The following JAK2 variants were observed in gnomAD, a reference collection of about 807,000 sequenced individuals.
JAK2 encodes the protein tyrosine-protein kinase JAK2.
Under a neutral mutation model 139.3 loss-of-function variants are expected in JAK2, and 86 were observed. That is an observed-to-expected ratio of 0.62 (90% CI 0.52 to 0.74). The LOEUF is 0.74. Ranked by LOEUF, JAK2 falls within the 30% of genes least tolerant of loss-of-function variation. JAK2 has a pLI of 0.00. For missense variants in JAK2, 1,421 were observed against 1,360.3 expected (o/e 1.04, Z -0.70); for synonymous variants, 490 against 437.7 (o/e 1.12, Z -1.49).
chr9:5,033,952 G>C (rs576416623), intron 4 of JAK2, among the ~76,000 whole-genome samples: 1 of 152,248 alleles, frequency 6.6e-6, no homozygotes, highest in South Asian at 2.1e-4. Flanking sequence ...TGGTAAACTG[G>C]ATAAAGAGTC....
chr9:4,992,216 C>A (rs1437341371), intron 2 of JAK2, among the ~76,000 whole-genome samples: 1 of 152,184 alleles, frequency 6.6e-6, no homozygotes, highest in Non-Finnish European at 1.5e-5. Context: ...GGGCTGTTAA[C>A]TGGAGCATGT....
At chr9:5,092,314 A>C (rs557097347) in intron 22 of JAK2, among the ~76,000 whole-genome samples, 34 of 152,266 alleles carry the variant, frequency 2.2e-4, no homozygotes, top group African/African-American at 7.0e-4. Flanking sequence ...CTCCGCAAAT[A>C]TCATTCTAGA....
chr9:5,103,847 T>TA (rs767624698), intron 22 of JAK2, among the ~76,000 whole-genome samples: 1 of 152,140 alleles, frequency 6.6e-6, no homozygotes, highest in Non-Finnish European at 1.5e-5. Context: ...AAGACAGATA[T>TA]AAAGATGTTC....
intron 22 of JAK2, chr9:5,110,869 CA>C: frequency 2.0e-6 from 1 of 510,514 alleles, no homozygotes; most frequent in Admixed American, 2.4e-5. Flanking sequence ...CCGCCGCGCC[CA>C]GCAGGGTTTC....
At chr9:5,023,426 T>C (rs1822567729) in intron 3 of JAK2, among the ~76,000 whole-genome samples, 1 of 152,148 alleles carries the variant, frequency 6.6e-6, no homozygotes, top group Non-Finnish European at 1.5e-5. Flanking sequence ...TGTAGCTGCT[T>C]AGGACTCGGG....
chr9:5,019,788 T>C (rs1412493411), intron 2 of JAK2, among the ~76,000 whole-genome samples: 1 of 151,980 alleles, frequency 6.6e-6, no homozygotes, highest in East Asian at 1.9e-4. Context: ...CTCTGTAAGA[T>C]TTTTTTTCCT....
intron 2 of JAK2, among the ~76,000 whole-genome samples, chr9:5,011,618 T>C (rs1821705422): frequency 6.6e-6 from 1 of 152,246 alleles, no homozygotes; most frequent in Non-Finnish European, 1.5e-5. Context: ...TTCTAATATT[T>C]GGGTCTGCTT....
At chr9:5,064,530 A>G (rs984697199) in intron 8 of JAK2, among the ~76,000 whole-genome samples, 39 of 152,056 alleles carry the variant, frequency 2.6e-4, no homozygotes, top group Non-Finnish European at 4.0e-4. Context: ...ACTCTCAAAA[A>G]AAAAAAAAAA....
chr9:5,004,137 G>A (rs895415165), intron 2 of JAK2, among the ~76,000 whole-genome samples: 10 of 152,004 alleles, frequency 6.6e-5, no homozygotes, highest in Admixed American at 2.0e-4. Flanking sequence ...ATCTTTTGTG[G>A]TGAGAACACT....
chr9:4,997,591 C>G (rs988196204), intron 2 of JAK2, among the ~76,000 whole-genome samples: 3 of 152,186 alleles, frequency 2.0e-5, no homozygotes, highest in African/African-American at 7.2e-5. Context: ...TCACCTCCAA[C>G]ATTGGGGATT....
intron 3 of JAK2, among the ~76,000 whole-genome samples, chr9:5,027,035 A>C (rs1409356420): frequency 6.6e-6 from 1 of 152,080 alleles, no homozygotes; most frequent in Non-Finnish European, 1.5e-5. Flanking sequence ...AATTAAAACA[A>C]CTCCTTCTGT....
intron 2 of JAK2, among the ~76,000 whole-genome samples, chr9:5,002,125 C>T (rs1341020615): frequency 6.6e-6 from 1 of 151,758 alleles, no homozygotes; most frequent in African/African-American, 2.4e-5. Context: ...TTTCTAAAAA[C>T]AAAGTTTTGG....
In JAK2 at chr9:5,103,221, C is replaced by CAA. The variant is rs56691830; in HGVS notation, c.3059+12343_3059+12344dup. Among the ~76,000 whole-genome samples the CAA allele has an allele frequency of 3.2e-3, 22 of 6,874 alleles. 3 individuals carry two copies. The highest frequency in any genetic ancestry group is 5.3e-3 in the African/African-American group (9 of 1,694). The allele number at this position is 6,874 out of a possible 152,430, so 4.5% of individuals were successfully genotyped here. ...GAAGATCTACCAAGCAAAGGGAAAG[C>CAA]AAAAAAAAAAAAAAAAAAAAAAAAA... On this transcript the variant is annotated intron_variant, in intron 22 of 24. Coordinates refer to ENST00000381652, the MANE Select transcript of JAK2 (RefSeq NM_004972.4).
chr9:5,123,100 G>C lies in JAK2; in HGVS notation c.3156G>C (p.Glu1052Asp), dbSNP rs1823738068. The change falls in exon 23 of 25, where the codon GAG (glutamate) becomes GAC (aspartate). Residue 1052 changes from glutamate (E) to aspartate (D), a missense_variant. By Grantham distance (45) the Glu-to-Asp change is conservative. Transcript: ENST00000381652. ...TGTATGAACTTTTCACATACATTGA[G>C]AAGAGTAAAAGTCCACCAGCGGTCA... The part of the protein sequence containing the change: ...VVLYELFTYI[E>D]KSKSPPAEFM... 3 of 1,606,048 alleles carry C rather than the reference G, an allele frequency of 1.9e-6. No homozygotes were observed. In the East Asian group the frequency reaches 6.7e-5, roughly 36 times the overall value.
At chr9:5,013,535 C>T (rs1051711575) in intron 2 of JAK2, among the ~76,000 whole-genome samples, 1 of 152,210 alleles carries the variant, frequency 6.6e-6, no homozygotes, top group Non-Finnish European at 1.5e-5. Context: ...CCTATCTGAA[C>T]CTTCCAATCC....
At chr9:5,065,861 A>C (rs559016014) in intron 9 of JAK2, among the ~76,000 whole-genome samples, 17 of 152,184 alleles carry the variant, frequency 1.1e-4, no homozygotes, top group Non-Finnish European at 2.5e-4. Context: ...ATTTGAGAAA[A>C]TACATCTTGG....
Position 5,022,998 on chromosome 9 carries a change from AG to A in JAK2, c.226+786del, listed in dbSNP as rs374187602. Among the ~76,000 whole-genome samples, 1,291 of 152,360 alleles carry A rather than the reference AG, an allele frequency of 8.5e-3. 16 individuals are homozygous for A. Among genetic ancestry groups the A allele is most frequent in the African/African-American group, 0.029 (1,227 of 41,598 alleles). The stretch of plus-strand genomic sequence containing the variant: ...TAGGTCAGAATAACCATTAACTGTA[AG>A]TTGGAGGAAGCTAGGTACATTTCAA... On this transcript the variant is annotated intron_variant, in intron 3 of 24. Coordinates refer to ENST00000381652, the MANE Select transcript of JAK2 (RefSeq NM_004972.4).
intron 5 of JAK2, among the ~76,000 whole-genome samples, chr9:5,047,695 T>C (rs1260664119): frequency 6.6e-6 from 1 of 152,186 alleles, no homozygotes; most frequent in Non-Finnish European, 1.5e-5. Context: ...GCTCCAGTGA[T>C]TGTCTTGCTT....
intron 2 of JAK2, among the ~76,000 whole-genome samples, chr9:4,997,438 AAG>A (rs1197788594): frequency 1.5e-4 from 23 of 152,134 alleles, no homozygotes; most frequent in Admixed American, 1.4e-3. Context: ...GCTGGAGCAA[AAG>A]AGAATGTGGG....
Sources: gnomAD v4.1 joint callset for allele counts (sites outside exome capture counted in the v4.1 genomes callset) on GRCh38, gnomAD v4.1.1 for gene constraint, MANE v1.5 for transcripts, NCBI Gene and HGNC (gene_info 2026-07-23, HGNC 2026-07-21) for gene names.